The following SPTLC3 variants were observed in gnomAD, a reference collection of about 807,000 sequenced individuals.
SPTLC3 encodes the protein serine palmitoyltransferase 3.
SPTLC3 carries 36 observed loss-of-function variants against 59.3 expected under a neutral mutation model. That is an observed-to-expected ratio of 0.61 (90% CI 0.47 to 0.80). The LOEUF (loss-of-function observed/expected upper bound fraction) is 0.80, where lower values mean the gene tolerates loss of function less well. SPTLC3 is among the 30% of genes least tolerant of loss of function. The pLI is 0.00. For synonymous variants in SPTLC3, 257 were observed against 240.8 expected (o/e 1.07, Z -0.62); for missense variants, 625 against 685.1 (o/e 0.91, Z 0.98).
chr20:13,074,172 G>T, intron 3 of SPTLC3, 177 bp from the exon 4 acceptor site: 1 of 855,422 alleles, frequency 1.2e-6, no homozygotes, highest in South Asian at 1.4e-5. Flanking sequence ...CAACCTCTAG[G>T]ACAGACTGAA....
intron 1 of SPTLC3, among the ~76,000 whole-genome samples, chr20:13,043,284 C>A (rs1421757063): frequency 1.3e-5 from 2 of 152,158 alleles, no homozygotes; most frequent in African/African-American, 4.8e-5. Context: ...CCAATCTTAT[C>A]CCCAACCTTC....
At chr20:13,066,732 TC>T (rs1988225326) in intron 2 of SPTLC3, among the ~76,000 whole-genome samples, 1 of 152,002 alleles carries the variant, frequency 6.6e-6, no homozygotes, top group South Asian at 2.1e-4. Flanking sequence ...TCTAGAAATT[TC>T]TCCCTTCTCT....
intron 1 of SPTLC3, 61 bp from the exon 2 acceptor site, chr20:13,048,884 G>T: frequency 7.2e-7 from 1 of 1,381,152 alleles, no homozygotes; most frequent in South Asian, 1.7e-5. Flanking sequence ...CACAATTTTA[G>T]GTATCATAGT....
intron 1 of SPTLC3, among the ~76,000 whole-genome samples, chr20:13,040,121 T>C (rs909079665): frequency 4.0e-5 from 6 of 151,876 alleles, no homozygotes; most frequent in Non-Finnish European, 7.4e-5. Flanking sequence ...ACATCAACTT[T>C]CTTATTTATC....
chr20:13,042,505 GAT>G (rs536173409), intron 1 of SPTLC3, among the ~76,000 whole-genome samples: 2 of 152,174 alleles, frequency 1.3e-5, no homozygotes, highest in Non-Finnish European at 2.9e-5. Context: ...TGCCATGTCT[GAT>G]ATAGAGTCTC....
At chr20:13,010,476 G>A (rs1985182923) in intron 1 of SPTLC3, among the ~76,000 whole-genome samples, 1 of 152,168 alleles carries the variant, frequency 6.6e-6, no homozygotes, top group South Asian at 2.1e-4. Flanking sequence ...CCTGAGTTGT[G>A]TGTAAACAGG....
chr20:13,020,959 C>T (rs973299162), intron 1 of SPTLC3, among the ~76,000 whole-genome samples: 2 of 152,146 alleles, frequency 1.3e-5, no homozygotes, highest in African/African-American at 4.8e-5. Flanking sequence ...AGCCTGCAGT[C>T]ACCTCTTTCT....
chr20:13,043,438 T>C (rs1987081437), intron 1 of SPTLC3, among the ~76,000 whole-genome samples: 1 of 152,182 alleles, frequency 6.6e-6, no homozygotes, highest in Non-Finnish European at 1.5e-5. Context: ...CAAAAGTCTG[T>C]TTGTGAATGG....
chr20:13,044,995 CCACACACACACACACACACA>C (rs5840546), intron 1 of SPTLC3, among the ~76,000 whole-genome samples: 10 of 141,434 alleles, frequency 7.1e-5, no homozygotes, highest in East Asian at 6.2e-4. Context: ...TGTGTCCCCA[CCACACACACACACACACACA>C]CACACACACA....
rs1178252278 is a variant in SPTLC3, at chr20:13,072,365, T to C, written c.413T>C (p.Phe138Ser). The change falls in exon 3 of 12, where the codon TTT becomes TCT. Residue 138 changes from phenylalanine (F) to serine (S), a missense_variant. Physicochemically the swap from Phe to Ser is radical, Grantham distance 155. Coordinates refer to ENST00000399002, the MANE Select transcript of SPTLC3 (RefSeq NM_018327.4). The stretch of plus-strand genomic sequence containing the variant: ...ATCTGCAGTGCCCCAGGGCCTCTGT[T>C]TGATTTGATGGAGAGGGTATCAGAC... ...RPICSAPGPL[F>S]DLMERVSDDY... The C allele has an allele frequency of 1.2e-6, 2 of 1,613,210 alleles. No homozygotes were observed. Among genetic ancestry groups the C allele is most frequent in the Admixed American group, 1.7e-5 (1 of 59,870 alleles).
At position 13,100,345 on chromosome 20, in the gene SPTLC3, G is replaced by T. The variant is rs575986915; in HGVS notation, c.826+6768G>T. Among the ~76,000 whole-genome samples the T allele has an allele frequency of 1.7e-4, 26 of 152,278 alleles. No homozygotes were observed. The South Asian group carries it at 5.2e-3, about 30-fold the overall frequency. ...GAAGACTAAATAGAAGGAAAGTTCT[G>T]CAAGGGAGCAAAATCAGAACACCGA... On this transcript the variant is annotated intron_variant, in intron 6 of 11. Coordinates refer to ENST00000399002, the MANE Select transcript of SPTLC3 (RefSeq NM_018327.4).
chr20:13,046,570 C>G (rs1164720842), intron 1 of SPTLC3, among the ~76,000 whole-genome samples: 1 of 152,142 alleles, frequency 6.6e-6, no homozygotes, highest in Non-Finnish European at 1.5e-5. Context: ...TTTTGTGTCC[C>G]TGTGATGCAG....
chr20:13,074,171 G>C lies in SPTLC3; in HGVS notation c.459-178G>C, dbSNP rs1047707521. On this transcript the variant is annotated intron_variant, in intron 3 of 11. Coordinates refer to ENST00000399002, the MANE Select transcript of SPTLC3 (RefSeq NM_018327.4). ...ATCCTCCGAGGGAAACCAACCTCTA[G>C]GACAGACTGAACCACCTCCTGCCAG... 3.5e-6 allele frequency: 3 copies of C among 850,994 alleles called. No homozygotes were observed. In the African/African-American group the frequency reaches 5.0e-5, roughly 14 times the overall value. 52.7% of individuals were successfully genotyped at this position (850,994 alleles called of 1,614,324 possible). A position where few individuals can be genotyped will look rare whatever the true frequency, so the allele number is the denominator to read the frequency against.
rs243874 is a variant in SPTLC3 at position 13,091,223 on chromosome 20, C to A, written c.732+16C>A. On this transcript the variant is annotated intron_variant, in intron 5 of 11. Coordinates refer to ENST00000399002, the MANE Select transcript of SPTLC3 (RefSeq NM_018327.4). ...AGTTGGAAAGGTGAGAATTGTTAAC[C>A]TAATTGTCTTCTACTGTATTACTCC... The A allele has an allele frequency of 0.29, 460,651 of 1,608,822 alleles. 68,955 individuals carry two copies. Among genetic ancestry groups the A allele is most frequent in the African/African-American group, 0.4 (29,588 of 74,788 alleles).
At chr20:13,135,453 G>GA (rs1301762949) in intron 9 of SPTLC3, among the ~76,000 whole-genome samples, 1 of 151,804 alleles carries the variant, frequency 6.6e-6, no homozygotes, top group Admixed American at 6.6e-5. Context: ...GCACTTTTTT[G>GA]AAAAAAGATG....
At chr20:13,136,145 C>T (rs1356434944) in intron 9 of SPTLC3, among the ~76,000 whole-genome samples, 1 of 151,958 alleles carries the variant, frequency 6.6e-6, no homozygotes, top group Non-Finnish European at 1.5e-5. Flanking sequence ...CACACATGTC[C>T]CTCTCTGCCC....
At position 13,049,114 on chromosome 20, in the gene SPTLC3, A is replaced by G. The variant is rs2122498259; in HGVS notation, c.287A>G (p.Glu96Gly). 1 of 1,613,648 alleles carries G rather than the reference A, an allele frequency of 6.2e-7. No homozygotes were observed. The highest frequency in any genetic ancestry group is 1.3e-5 in the African/African-American group (1 of 74,998). The change falls in exon 2 of 12, where the codon GAA becomes GGA. Residue 96 changes from glutamate to glycine, a missense_variant. By Grantham distance (98) the Glu-to-Gly change is moderately conservative. Transcript: ENST00000399002. ...ATAGAAAAATGCAACGCAGCTGTGG[A>G]AAGAAAAGAACAAAAAGTACGTATG... ...WGIEKCNAAV[E>G]RKEQKDFVPL...
intron 1 of SPTLC3, among the ~76,000 whole-genome samples, chr20:13,011,070 C>G (rs1985215730): frequency 6.6e-6 from 1 of 152,066 alleles, no homozygotes; most frequent in Non-Finnish European, 1.5e-5. Flanking sequence ...TTAGGTGTCA[C>G]TAAGCTACAA....
chr20:13,071,760 G>A (rs1988444706), intron 2 of SPTLC3, among the ~76,000 whole-genome samples: 1 of 152,296 alleles, frequency 6.6e-6, no homozygotes, highest in African/African-American at 2.4e-5. Context: ...GAGGCCCGCT[G>A]CCTCCACGAG....
Sources: allele counts gnomAD v4.1 joint callset (sites outside exome capture counted in the v4.1 genomes callset), GRCh38; gene constraint gnomAD v4.1.1; transcripts MANE v1.5; gene names NCBI Gene and HGNC (gene_info 2026-07-23, HGNC 2026-07-21).